The following CDC37L1 variants were observed in gnomAD, a reference collection of about 807,000 sequenced individuals.
CDC37L1 encodes the protein cell division cycle 37 like 1, HSP90 cochaperone.
In CDC37L1, 32 loss-of-function variants were observed where a neutral mutation model predicts 45.9. The observed-to-expected ratio is 0.70, with a 90% CI of 0.53 to 0.94. CDC37L1 has a LOEUF of 0.94. Among genes scored for constraint, CDC37L1 ranks in the 40% least tolerant of loss-of-function variants. CDC37L1 has a pLI of 0.00. For synonymous variants in CDC37L1, 150 were observed against 133.0 expected, an observed-to-expected ratio of 1.13 and a Z score of -0.88; for missense variants, 434 against 405.7, an observed-to-expected ratio of 1.07 and a Z score of -0.60.
rs74330499 is a variant in CDC37L1 at position 4,707,689 on chromosome 9, CT to C, written c.*1590del. On this transcript the variant is annotated 3_prime_UTR_variant, in exon 7 of 7. Coordinates refer to ENST00000381854, the MANE Select transcript of CDC37L1 (RefSeq NM_017913.4). ...ATATAGTAGTGTTTGTCAGCCTGTA[CT>C]TTTTTTTTTTTTAAACCCATGACCT... 2,208 of 142,622 alleles carry C rather than the reference CT, an allele frequency of 0.015. 32 individuals carry two copies. The highest frequency in any genetic ancestry group is 0.043 in the African/African-American group (1,693 of 39,252). The allele number at this position is 142,622 out of a possible 1,614,324, so 8.8% of individuals were successfully genotyped here. A position where few individuals can be genotyped will look rare whatever the true frequency, so the allele number is the denominator to read the frequency against.
At chr9:4,697,579 G>T (rs762635436) in intron 4 of CDC37L1, among the ~76,000 whole-genome samples, 178 bp from the exon 5 acceptor site, 2 of 149,414 alleles carry the variant, frequency 1.3e-5, no homozygotes, top group Non-Finnish European at 3.0e-5. Context: ...AGTTATTCTG[G>T]TCCACATACA....
Position 4,679,757 on chromosome 9 carries a change from A to G in CDC37L1, c.-11A>G. ...GGCCAAGGGCGGTTGTAGGACCCGG[A>G]GCAGCCGGACATGGAACAACCGTGG... is the stretch of plus-strand genomic sequence containing the variant. On this transcript the variant is annotated 5_prime_UTR_variant, in exon 1 of 7. Transcript: ENST00000381854. The G allele has an allele frequency of 6.2e-7, 1 of 1,607,994 alleles. No homozygotes were observed. The highest frequency in any genetic ancestry group is 8.5e-7 in the Non-Finnish European group (1 of 1,176,536).
chr9:4,684,785 G>A, intron 1 of CDC37L1, 92 bp from the exon 2 acceptor site: 1 of 886,198 alleles, frequency 1.1e-6, no homozygotes, highest in Non-Finnish European at 1.7e-6. Context: ...CCAAAATATT[G>A]TACAGAAATC....
chr9:4,695,540 C>G (rs1234838231), intron 3 of CDC37L1, among the ~76,000 whole-genome samples: 5 of 152,096 alleles, frequency 3.3e-5, no homozygotes, highest in Non-Finnish European at 7.3e-5. Flanking sequence ...ATTGCCCAAG[C>G]TGGAGCACAG....
intron 2 of CDC37L1, among the ~76,000 whole-genome samples, chr9:4,685,973 G>C (rs1219610805): frequency 6.6e-6 from 1 of 152,184 alleles, no homozygotes; most frequent in Admixed American, 6.5e-5. Context: ...AACCAGTTTG[G>C]TTGACATGAT....
chr9:4,687,331 T>G (rs1482155013), intron 2 of CDC37L1, among the ~76,000 whole-genome samples: 1 of 152,202 alleles, frequency 6.6e-6, no homozygotes, highest in Non-Finnish European at 1.5e-5. Context: ...AATAGAAATT[T>G]GTACTTGACT....
chr9:4,695,720 C>G (rs1841341503), intron 3 of CDC37L1, among the ~76,000 whole-genome samples: 1 of 152,158 alleles, frequency 6.6e-6, no homozygotes, highest in Non-Finnish European at 1.5e-5. Context: ...TGGCCTGCAA[C>G]TCCTGGACTC....
intron 1 of CDC37L1, among the ~76,000 whole-genome samples, chr9:4,681,794 T>TA (rs926463357): frequency 1.3e-5 from 2 of 152,136 alleles, no homozygotes; most frequent in East Asian, 1.9e-4. Context: ...TTTATAATCC[T>TA]AAAAAAAGCT....
chr9:4,702,996 A>T (rs1034261177), intron 6 of CDC37L1: 3 of 1,336,982 alleles, frequency 2.2e-6, no homozygotes, highest in African/African-American at 1.5e-5. Context: ...GCTAGTTAGG[A>T]TTACAAGTTT....
At chr9:4,704,584 A>G (rs1323292354) in intron 6 of CDC37L1, among the ~76,000 whole-genome samples, 1 of 152,196 alleles carries the variant, frequency 6.6e-6, no homozygotes, top group African/African-American at 2.4e-5. Context: ...GTCTTAATAG[A>G]GTAATTGTAA....
intron 2 of CDC37L1, among the ~76,000 whole-genome samples, chr9:4,685,699 A>C (rs1841240812): frequency 6.6e-6 from 1 of 152,230 alleles, no homozygotes; most frequent in Non-Finnish European, 1.5e-5. Flanking sequence ...GCCTTTAAGA[A>C]TGAAGGCTTA....
Position 4,688,501 on chromosome 9 carries a change from A to T in CDC37L1, c.415-12A>T. On this transcript the variant is annotated splice_polypyrimidine_tract_variant and intron_variant, in intron 2 of 6. Coordinates refer to ENST00000381854, the MANE Select transcript of CDC37L1 (RefSeq NM_017913.4). ...TTAAAATCTGATTTAAATTTCTAAA[A>T]TTTTTTCTTAGAGTTTTATTAATCA... The T allele has an allele frequency of 7.5e-7, 1 of 1,334,990 alleles. No homozygotes were observed. The highest frequency in any genetic ancestry group is 1.0e-6 in the Non-Finnish European group (1 of 980,068). 82.7% of individuals were successfully genotyped at this position (1,334,990 alleles called of 1,614,324 possible).
chr9:4,707,679 T>A lies in CDC37L1; in HGVS notation c.*1567T>A, dbSNP rs1841457165. 6.6e-6 allele frequency: 1 copy of A among 152,100 alleles called. No individual in the cohort carries two copies. The highest frequency in any genetic ancestry group is 1.5e-5 in the Non-Finnish European group (1 of 68,024). 9.4% of individuals were successfully genotyped at this position (152,100 alleles called of 1,614,324 possible). A position where few individuals can be genotyped will look rare whatever the true frequency, so the allele number is the denominator to read the frequency against. ...TGACTAATTTATATAGTAGTGTTTGTCAGCCTGTACTTTTTTTTTTTTTAA... is the reference window on the plus strand; with the variant it reads ...TGACTAATTTATATAGTAGTGTTTGACAGCCTGTACTTTTTTTTTTTTTAA... On this transcript the variant is annotated 3_prime_UTR_variant, in exon 7 of 7. Transcript: ENST00000381854.
In CDC37L1 at chr9:4,706,020, T is replaced by G. The variant is rs538590305; in HGVS notation, c.922T>G (p.Tyr308Asp). 6.4e-7 allele frequency: 1 copy of G among 1,552,150 alleles called. No individual in the cohort carries two copies. Among genetic ancestry groups the G allele is most frequent in the South Asian group, 1.1e-5 (1 of 89,004 alleles). ...LLESLPQNPD[Y>D]LQYSISTALC... ...TTTTCTTTTTCCCCAGAATCCAGAT[T>G]ATCTTCAGTATTCTATCAGTACAGC... Residue 308 changes from tyrosine to aspartate, a missense_variant, in exon 7 of 7, where the codon TAT becomes GAT. Tyr to Asp is a radical substitution (Grantham distance 160, BLOSUM62 -3). Transcript: ENST00000381854.
intron 1 of CDC37L1, among the ~76,000 whole-genome samples, chr9:4,680,695 C>T (rs1230442948): frequency 6.6e-6 from 1 of 152,014 alleles, no homozygotes; most frequent in African/African-American, 2.4e-5. Flanking sequence ...TTTTTTTCTC[C>T]GAATCCGTGT....
At chr9:4,681,537 G>A (rs1377254857) in intron 1 of CDC37L1, among the ~76,000 whole-genome samples, 2 of 152,086 alleles carry the variant, frequency 1.3e-5, no homozygotes, top group Non-Finnish European at 2.9e-5. Context: ...CCAGCTACTC[G>A]GGAGGCTGAG....
Position 4,688,510 on chromosome 9 carries a change from T to C in CDC37L1, c.415-3T>C. 7.1e-7 allele frequency: 1 copy of C among 1,416,238 alleles called. No individual in the cohort carries two copies. The highest frequency in any genetic ancestry group is 9.6e-7 in the Non-Finnish European group (1 of 1,045,168). 87.7% of individuals were successfully genotyped at this position (1,416,238 alleles called of 1,614,324 possible). A position where few individuals can be genotyped will look rare whatever the true frequency, so the allele number is the denominator to read the frequency against. ...GATTTAAATTTCTAAAATTTTTTCT[T>C]AGAGTTTTATTAATCAAGATAAAAG... On this transcript the variant is annotated splice_region_variant and splice_polypyrimidine_tract_variant and intron_variant, in intron 2 of 6. Transcript: ENST00000381854.
chr9:4,702,164 C>G (rs1841405257), intron 6 of CDC37L1, 136 bp downstream of exon 6: 1 of 456,682 alleles, frequency 2.2e-6, no homozygotes, highest in Non-Finnish European at 3.8e-6. Context: ...ACTGTTGAAT[C>G]TTACTTCATG....
Position 4,684,913 on chromosome 9 carries a change from C to G in CDC37L1, c.169C>G (p.Gln57Glu), listed in dbSNP as rs756541251. ...TGGAATTGAATTGGCTTGCCAAAAG[C>G]AGAAAGAGTTTGTGAAGAGCTCTGT... ...SHGIELACQK[Q>E]KEFVKSSVAC... Residue 57 changes from glutamine (Q) to glutamate (E), a missense_variant, in exon 2 of 7, where the codon CAG becomes GAG. Transcript: ENST00000381854. The G allele has an allele frequency of 1.2e-6, 2 of 1,613,504 alleles. No homozygotes were observed. Among genetic ancestry groups the G allele is most frequent in the South Asian group, 2.2e-5 (2 of 91,028 alleles).
Sources: gnomAD v4.1 joint callset for allele counts (sites outside exome capture counted in the v4.1 genomes callset) on GRCh38, gnomAD v4.1.1 for gene constraint, MANE v1.5 for transcripts, NCBI Gene and HGNC (gene_info 2026-07-23, HGNC 2026-07-21) for gene names.